The following MMP13 variants were observed in gnomAD, a reference collection of about 807,000 sequenced individuals.
The protein encoded by MMP13 is matrix metallopeptidase 13.
Under a neutral mutation model 52.1 loss-of-function variants are expected in MMP13, and 45 were observed. The ratio of observed to expected loss-of-function variants is 0.86; its 90% CI spans 0.68 to 1.11. The LOEUF (loss-of-function observed/expected upper bound fraction) is 1.11. Ranked by LOEUF, MMP13 falls within the 50% of genes least tolerant of loss-of-function variation. The probability of loss-of-function intolerance (pLI) is 0.00; values close to 1 mark genes in which losing one functional copy is unlikely to be tolerated. For synonymous variants in MMP13, 200 were observed against 204.4 expected (o/e 0.98, Z 0.18); for missense variants, 576 against 583.8 (o/e 0.99, Z 0.14).
intron 9 of MMP13, 135 bp downstream of exon 9, chr11:102,945,511 C>T: frequency 2.9e-6 from 2 of 687,694 alleles, no homozygotes; most frequent in South Asian, 1.8e-5. Context: ...GGTAGTCACA[C>T]AGGAACAATT....
chr11:102,950,349 G>T, intron 5 of MMP13, 122 bp from the exon 6 acceptor site: 1 of 829,270 alleles, frequency 1.2e-6, no homozygotes. Flanking sequence ...AAAAGCTGTA[G>T]GTCCTGGGGC....
At chr11:102,945,829 A>G in intron 8 of MMP13, 80 bp from the exon 9 acceptor site, 1 of 745,188 alleles carries the variant, frequency 1.3e-6, no homozygotes, top group Non-Finnish European at 2.2e-6. Flanking sequence ...ATACAATGGC[A>G]TCTTTCAAAA....
chr11:102,944,514 T>A (rs570029142), intron 9 of MMP13, 148 bp from the exon 10 acceptor site: 19 of 544,014 alleles, frequency 3.5e-5, no homozygotes, highest in Non-Finnish European at 5.5e-5. Context: ...TAATAGTTGT[T>A]CCTTTTTAAA....
In MMP13 at chr11:102,954,498, G is replaced by T. The variant is rs368161332; in HGVS notation, c.471C>A (p.His157Gln). Residue 157 changes from histidine to glutamine, a missense_variant, in exon 3 of 10, where the codon CAC (histidine) becomes CAA (glutamine). His to Gln is a conservative substitution (Grantham distance 24, BLOSUM62 0). Coordinates refer to ENST00000260302, the MANE Select transcript of MMP13 (RefSeq NM_002427.4). ...DVTPLNFTRL[H>Q]DGIADIMISF... ...AGATCATGATGTCAGCAATGCCATC[G>T]TGAAGTCTGGTAAAATTCAGAGGAG... 6.2e-7 allele frequency: 1 copy of T among 1,613,444 alleles called. No individual in the cohort carries two copies. The highest frequency in any genetic ancestry group is 8.5e-7 in the Non-Finnish European group (1 of 1,179,680).
chr11:102,949,224 C>T lies in MMP13; in HGVS notation c.918-66G>A. ...AATGCAATATTTCTATCCTGCTAGT[C>T]ACCTCTCTCCACATCAACACAGACA... On this transcript the variant is annotated intron_variant, in intron 6 of 9. Transcript: ENST00000260302. The surrounding 1 kb of genome is among the most constrained non-coding windows in gnomAD (Gnocchi z 4.2). 1 of 1,570,760 alleles carries T rather than the reference C, an allele frequency of 6.4e-7. No individual in the cohort carries two copies. The highest frequency in any genetic ancestry group is 8.7e-7 in the Non-Finnish European group (1 of 1,155,076).
At chr11:102,946,956 G>A (rs972002478) in intron 8 of MMP13, among the ~76,000 whole-genome samples, 3 of 152,106 alleles carry the variant, frequency 2.0e-5, no homozygotes, top group Non-Finnish European at 2.9e-5. Flanking sequence ...AGAATGTAGG[G>A]TACTGATGAG....
intron 7 of MMP13, 49 bp downstream of exon 7, chr11:102,948,976 G>A: frequency 6.2e-7 from 1 of 1,610,320 alleles, no homozygotes. Flanking sequence ...ATCAAATTCA[G>A]CACTGCCTCC....
At chr11:102,948,890 C>T in intron 7 of MMP13, 135 bp downstream of exon 7, 1 of 1,222,280 alleles carries the variant, frequency 8.2e-7, no homozygotes, top group African/African-American at 1.5e-5. Context: ...TACTTTCTGG[C>T]TTCCATTTTT....
chr11:102,945,797 T>C (rs782592871), intron 8 of MMP13, 48 bp from the exon 9 acceptor site: 4 of 992,278 alleles, frequency 4.0e-6, no homozygotes, highest in Admixed American at 1.8e-5. Flanking sequence ...TCTTAGAAAG[T>C]ACCTTAGAAA....
At chr11:102,944,851 C>T (rs1454568194) in intron 9 of MMP13, among the ~76,000 whole-genome samples, 1 of 144,546 alleles carries the variant, frequency 6.9e-6, no homozygotes, top group Non-Finnish European at 1.5e-5. Context: ...GAACTCCTGA[C>T]CTCAAGTGAT....
chr11:102,947,715 G>A (rs906286190), intron 8 of MMP13, among the ~76,000 whole-genome samples, 176 bp downstream of exon 8: 28 of 145,964 alleles, frequency 1.9e-4, no homozygotes, highest in Middle Eastern at 3.5e-3. Flanking sequence ...GTTCAAGAGA[G>A]CTTGAGACTT....
At chr11:102,954,369 A>C (rs1860662239) in intron 3 of MMP13, 88 bp from the exon 4 acceptor site, 1 of 1,599,906 alleles carries the variant, frequency 6.3e-7, no homozygotes, top group South Asian at 1.1e-5. Context: ...AATTCTTTAA[A>C]AAGTAATGAA....
intron 9 of MMP13, 22 bp from the exon 10 acceptor site, chr11:102,944,388 C>A (rs1860462844): frequency 6.6e-7 from 1 of 1,505,216 alleles, no homozygotes; most frequent in Admixed American, 1.7e-5. Context: ...AGCATAAAGA[C>A]AATTTCAGAG....
At chr11:102,950,433 C>A (rs1189576639) in intron 5 of MMP13, among the ~76,000 whole-genome samples, 2 of 151,928 alleles carry the variant, frequency 1.3e-5, no homozygotes, top group African/African-American at 4.8e-5. Context: ...CAAGACCTCT[C>A]GAGATTCTTT....
chr11:102,950,078 A>G, intron 6 of MMP13, 32 bp downstream of exon 6: 1 of 1,547,004 alleles, frequency 6.5e-7, no homozygotes, highest in South Asian at 1.1e-5. Flanking sequence ...TGTTTGTCGC[A>G]TACAGACTTT....
In MMP13 at chr11:102,943,943, T is replaced by G; in HGVS notation, c.*323A>C. ...ACTTTATGCCCTTGTAAAATTTCCTTATAAATATATTTTTAAATTATGCTC... is the reference window on the plus strand; with the variant it reads ...ACTTTATGCCCTTGTAAAATTTCCTGATAAATATATTTTTAAATTATGCTC... On this transcript the variant is annotated 3_prime_UTR_variant, in exon 10 of 10. Coordinates refer to ENST00000260302, the MANE Select transcript of MMP13 (RefSeq NM_002427.4). The G allele has an allele frequency of 3.7e-6, 1 of 272,696 alleles. No individual in the cohort carries two copies. The highest frequency in any genetic ancestry group is 7.3e-6 in the Non-Finnish European group (1 of 136,914). The allele number at this position is 272,696 out of a possible 1,614,324, so 16.9% of individuals were successfully genotyped here.
In MMP13 at chr11:102,954,251, G is replaced by C. The variant is rs756865618; in HGVS notation, c.542C>G (p.Pro181Arg). 6.2e-7 allele frequency: 1 copy of C among 1,613,638 alleles called. No individual in the cohort carries two copies. The highest frequency in any genetic ancestry group is 8.5e-7 in the Non-Finnish European group (1 of 1,179,760). ...AAAAGCATGAGCCAGCAGGCCAGAG[G>C]GCCCATCAAATGGGTAGAAGTCGCC... ...EHGDFYPFDG[P>R]SGLLAHAFPP... Residue 181 changes from proline to arginine, a missense_variant, in exon 4 of 10, where the codon CCC becomes CGC. Coordinates refer to ENST00000260302, the MANE Select transcript of MMP13 (RefSeq NM_002427.4).
Position 102,955,392 on chromosome 11 carries a change from G to T in MMP13, c.222C>A (p.Phe74Leu). ...MTERLREMQS[F>L]FGLEVTGKLD... ...GTTTGCCAGTCACCTCTAAGCCGAAGAAAGACTGCATTTCTCGGAGCCTCT... is the reference window on the plus strand; with the variant it reads ...GTTTGCCAGTCACCTCTAAGCCGAATAAAGACTGCATTTCTCGGAGCCTCT... The change falls in exon 2 of 10, where the codon TTC becomes TTA. Residue 74 changes from phenylalanine (F) to leucine (L), a missense_variant. Physicochemically the swap from Phe to Leu is conservative, Grantham distance 22. Transcript: ENST00000260302. This position sits in a 1 kb window ranked among gnomAD's most constrained non-coding sequence, Gnocchi z 4.9. 6.2e-7 allele frequency: 1 copy of T among 1,614,034 alleles called. No individual in the cohort carries two copies. The highest frequency in any genetic ancestry group is 1.1e-5 in the South Asian group (1 of 91,080).
At chr11:102,946,849 T>G (rs1356237973) in intron 8 of MMP13, among the ~76,000 whole-genome samples, 1 of 152,098 alleles carries the variant, frequency 6.6e-6, no homozygotes, top group Non-Finnish European at 1.5e-5. Flanking sequence ...AAGGCAAAGA[T>G]GATATATACA....
Sources: allele counts gnomAD v4.1 joint callset (sites outside exome capture counted in the v4.1 genomes callset), GRCh38; gene constraint gnomAD v4.1.1; non-coding constraint Gnocchi (gnomAD v3.1); transcripts MANE v1.5; gene names NCBI Gene and HGNC (gene_info 2026-07-23, HGNC 2026-07-21).